VWDE: variants seen among roughly 807,000 people sequenced by gnomAD.
The protein encoded by VWDE is von Willebrand factor D and EGF domain-containing protein.
VWDE carries 207 observed loss-of-function variants against 178.4 expected under a neutral mutation model. The observed-to-expected ratio is 1.16, with a 90% CI of 1.04 to 1.30. The LOEUF is 1.30. VWDE is among the 50% of genes most tolerant of loss of function. VWDE has a pLI of 0.00. For missense variants in VWDE, 2,287 were observed against 1,901.3 expected, an observed-to-expected ratio of 1.20 and a Z score of -3.77; for synonymous variants, 738 against 651.4, an observed-to-expected ratio of 1.13 and a Z score of -2.02.
chr7:12,372,995 G>A lies in VWDE; in HGVS notation c.1569C>T (p.Tyr523=), dbSNP rs1358279536. 1.2e-5 allele frequency: 19 copies of A among 1,550,836 alleles called. No homozygotes were observed. Among genetic ancestry groups the A allele is most frequent in the African/African-American group, 2.7e-5 (2 of 72,942 alleles). The change falls in exon 10 of 29, where the codon TAC becomes TAT. Residue 523 remains tyrosine, a synonymous_variant. Transcript: ENST00000275358. ...TACATACTGTGACTTTTCTTCCTAA[G>A]TAAGATTCACTTATCTTGATATTCC... ...VTRNIKISES[Y]LGRKVTIWFS... is the part of the protein sequence containing the mutation.
intron 3 of VWDE, chr7:12,388,779 T>C (rs1347389570): frequency 2.7e-6 from 1 of 369,054 alleles, no homozygotes; most frequent in East Asian, 7.0e-5. Flanking sequence ...TAATATAAAA[T>C]GTATATTTTT....
intron 2 of VWDE, among the ~76,000 whole-genome samples, chr7:12,392,556 A>T (rs765468066): frequency 1.3e-5 from 2 of 152,214 alleles, no homozygotes; most frequent in Non-Finnish European, 2.9e-5. Flanking sequence ...CATGCCAAGG[A>T]TAAGTAGAAT....
At chr7:12,356,360 AT>A in intron 17 of VWDE, 30 bp from the exon 18 acceptor site, 1 of 1,520,480 alleles carries the variant, frequency 6.6e-7, no homozygotes. Context: ...GAAATGTCTT[AT>A]TTTTCAATAA....
At chr7:12,375,734 CA>C (rs1335002881) in intron 7 of VWDE, among the ~76,000 whole-genome samples, 2 of 151,934 alleles carry the variant, frequency 1.3e-5, no homozygotes, top group Admixed American at 1.3e-4. Context: ...AGACAAATCA[CA>C]ACAAATGAAG....
At chr7:12,335,869 G>C (rs1296597680) in intron 27 of VWDE, among the ~76,000 whole-genome samples, 1 of 151,806 alleles carries the variant, frequency 6.6e-6, no homozygotes, top group Non-Finnish European at 1.5e-5. Context: ...TACCTTCTTT[G>C]GCCCACCTGG....
chr7:12,353,945 T>G (rs2128550836), intron 18 of VWDE: 1 of 153,944 alleles, frequency 6.5e-6, no homozygotes, highest in South Asian at 2.1e-4. Flanking sequence ...CTCCTGCTGT[T>G]GGTTTTGCCT....
chr7:12,374,779 T>C lies in VWDE; in HGVS notation c.1243-17A>G, dbSNP rs1783420327. On this transcript the variant is annotated splice_polypyrimidine_tract_variant and intron_variant, in intron 8 of 28. Transcript: ENST00000275358. Reference sequence around the variant, plus strand: ...TACTTTGATCTTAAAAGCAAAGATATTTTTGGTAAATATTACCATTAATTA... The same window carrying C: ...TACTTTGATCTTAAAAGCAAAGATACTTTTGGTAAATATTACCATTAATTA... 6.7e-7 allele frequency: 1 copy of C among 1,495,828 alleles called. No homozygotes were observed. The highest frequency in any genetic ancestry group is 9.0e-7 in the Non-Finnish European group (1 of 1,111,884). The allele number at this position is 1,495,828 out of a possible 1,614,324, so 92.7% of individuals were successfully genotyped here.
At position 12,374,778 on chromosome 7, in the gene VWDE, A is replaced by C; in HGVS notation, c.1243-16T>G. Reference sequence around the variant, plus strand: ...TTACTTTGATCTTAAAAGCAAAGATATTTTTGGTAAATATTACCATTAATT... The same window carrying C: ...TTACTTTGATCTTAAAAGCAAAGATCTTTTTGGTAAATATTACCATTAATT... On this transcript the variant is annotated splice_polypyrimidine_tract_variant and intron_variant, in intron 8 of 28. Transcript: ENST00000275358. 1 of 1,496,348 alleles carries C rather than the reference A, an allele frequency of 6.7e-7. No homozygotes were observed. The highest frequency in any genetic ancestry group is 9.0e-7 in the Non-Finnish European group (1 of 1,112,224). The allele number at this position is 1,496,348 out of a possible 1,614,324, so 92.7% of individuals were successfully genotyped here. A position where few individuals can be genotyped will look rare whatever the true frequency, so the allele number is the denominator to read the frequency against.
intron 22 of VWDE, 77 bp downstream of exon 22, chr7:12,343,006 T>C (rs1781410904): frequency 9.0e-7 from 1 of 1,110,848 alleles, no homozygotes; most frequent in African/African-American, 1.6e-5. Context: ...TTTGGGTTCA[T>C]TTCACGTAGC....
intron 19 of VWDE, among the ~76,000 whole-genome samples, chr7:12,346,103 A>C (rs1041142372): frequency 5.3e-5 from 8 of 152,176 alleles, no homozygotes; most frequent in Non-Finnish European, 7.3e-5. Context: ...GTGTACTAAC[A>C]AGAAATCATG....
intron 10 of VWDE, among the ~76,000 whole-genome samples, chr7:12,372,725 T>C (rs1418238691): frequency 6.6e-6 from 1 of 152,140 alleles, no homozygotes; most frequent in Non-Finnish European, 1.5e-5. Context: ...AAAAGTAATT[T>C]TAATGAATAA....
intron 17 of VWDE, among the ~76,000 whole-genome samples, chr7:12,357,059 G>A (rs1417570422): frequency 6.6e-6 from 1 of 152,156 alleles, no homozygotes; most frequent in Non-Finnish European, 1.5e-5. Context: ...TATTAATTTA[G>A]ATCTGTGCTT....
Position 12,403,697 on chromosome 7 carries a change from A to T in VWDE, c.20T>A (p.Val7Glu). MPGGAC[V>E]LVIALMFLAW... is the part of the protein sequence containing the mutation. ...CAGGAACATCAGCGCGATCACCAGCACGCAGGCTCCGCCAGGCATCGCTGC... is the reference window on the plus strand; with the variant it reads ...CAGGAACATCAGCGCGATCACCAGCTCGCAGGCTCCGCCAGGCATCGCTGC... Residue 7 changes from valine (V) to glutamate (E), a missense_variant, in exon 1 of 29, where the codon GTG becomes GAG. Val to Glu is a moderately radical substitution (Grantham distance 121). Transcript: ENST00000275358. 1 of 1,549,144 alleles carries T rather than the reference A, an allele frequency of 6.5e-7. No homozygotes were observed. Among genetic ancestry groups the T allele is most frequent in the Non-Finnish European group, 8.7e-7 (1 of 1,146,306 alleles).
chr7:12,376,741 C>T (rs1440024), intron 7 of VWDE, among the ~76,000 whole-genome samples: 40,487 of 151,850 alleles, frequency 0.27, 5,772 homozygotes, highest in African/African-American at 0.35. Context: ...ATTAAAAATA[C>T]AATGTTGCTC....
rs936215387 is a variant in VWDE at position 12,403,775 on chromosome 7, G to C, written c.-59C>G. The C allele has an allele frequency of 6.5e-7, 1 of 1,527,542 alleles. No individual in the cohort carries two copies. The highest frequency in any genetic ancestry group is 8.9e-7 in the Non-Finnish European group (1 of 1,126,932). 94.6% of individuals were successfully genotyped at this position (1,527,542 alleles called of 1,614,324 possible). ...AGAGCCCGGGCCGCGGGTGCCAGGA[G>C]GATGGGGCCACAGCAGCCCCTCGGG... On this transcript the variant is annotated 5_prime_UTR_variant, in exon 1 of 29. Coordinates refer to ENST00000275358, the MANE Select transcript of VWDE (RefSeq NM_001135924.3).
At chr7:12,381,212 TA>T (rs1174266349) in intron 4 of VWDE, among the ~76,000 whole-genome samples, 2 of 152,206 alleles carry the variant, frequency 1.3e-5, no homozygotes, top group Non-Finnish European at 2.9e-5. Flanking sequence ...CAGAGGTGAT[TA>T]TACTATCTTA....
At chr7:12,399,581 C>T (rs898902028) in intron 1 of VWDE, among the ~76,000 whole-genome samples, 2 of 152,144 alleles carry the variant, frequency 1.3e-5, no homozygotes, top group Admixed American at 6.5e-5. Flanking sequence ...TAGCAGACAT[C>T]TATAAACACT....
intron 27 of VWDE, 57 bp from the exon 28 acceptor site, chr7:12,333,625 A>G: frequency 8.3e-7 from 1 of 1,210,640 alleles, no homozygotes; most frequent in Non-Finnish European, 1.2e-6. Flanking sequence ...CTTGTGGCAT[A>G]TTCTATCCTA....
chr7:12,381,554 A>G (rs1352941959), intron 4 of VWDE, among the ~76,000 whole-genome samples: 2 of 151,926 alleles, frequency 1.3e-5, no homozygotes, highest in Admixed American at 1.3e-4. Flanking sequence ...AGACCTTGAA[A>G]CCTTTTCTGT....
Sources: gnomAD v4.1 joint callset for allele counts (sites outside exome capture counted in the v4.1 genomes callset) on GRCh38, gnomAD v4.1.1 for gene constraint, MANE v1.5 for transcripts, NCBI Gene and HGNC (gene_info 2026-07-23, HGNC 2026-07-21) for gene names.